Variants in LRMDA observed in about 807,000 individuals in gnomAD.
LRMDA encodes leucine rich melanocyte differentiation associated, also known as leucine-rich melanocyte differentiation-associated protein.
Under a neutral mutation model 29.8 loss-of-function variants are expected in LRMDA, and 18 were observed. That is an observed-to-expected ratio of 0.60 (90% CI 0.42 to 0.90). The LOEUF (loss-of-function observed/expected upper bound fraction) is 0.90. Ranked by LOEUF, LRMDA falls within the 40% of genes least tolerant of loss-of-function variation. LRMDA has a pLI of 0.00. For synonymous variants in LRMDA, 125 were observed against 109.4 expected, an observed-to-expected ratio of 1.14 and a Z score of -0.89; for missense variants, 273 against 273.9, an observed-to-expected ratio of 1.00 and a Z score of 0.02.
chr10:76,505,675 T>A (rs556441700), intron 6 of LRMDA, among the ~76,000 whole-genome samples: 1 of 152,250 alleles, frequency 6.6e-6, no homozygotes, highest in South Asian at 2.1e-4. Flanking sequence ...TTTACTGGAT[T>A]CCGTGAATTT....
intron 2 of LRMDA, among the ~76,000 whole-genome samples, chr10:75,657,538 C>T (rs188562746): frequency 6.6e-6 from 1 of 152,318 alleles, no homozygotes; most frequent in African/African-American, 2.4e-5. Context: ...CCTGATCCCT[C>T]ACTTTCTAGT....
intron 2 of LRMDA, among the ~76,000 whole-genome samples, chr10:75,623,710 G>T (rs1428873114): frequency 6.6e-6 from 1 of 152,248 alleles, no homozygotes; most frequent in African/African-American, 2.4e-5. Context: ...AATTATAGCA[G>T]ACTGTTTGTT....
At chr10:76,467,972 T>C (rs1842580619) in intron 6 of LRMDA, among the ~76,000 whole-genome samples, 1 of 152,224 alleles carries the variant, frequency 6.6e-6, no homozygotes, top group Non-Finnish European at 1.5e-5. Context: ...TCAGAGCGTT[T>C]ACATAATCTT....
At chr10:75,822,442 T>C (rs955438511) in intron 2 of LRMDA, among the ~76,000 whole-genome samples, 3 of 152,154 alleles carry the variant, frequency 2.0e-5, no homozygotes, top group South Asian at 2.1e-4. Flanking sequence ...AATGTCACTA[T>C]TCGCAGAATT....
intron 2 of LRMDA, among the ~76,000 whole-genome samples, chr10:75,785,125 G>T (rs1204735704): frequency 6.6e-6 from 1 of 152,156 alleles, no homozygotes; most frequent in African/African-American, 2.4e-5. Flanking sequence ...TTGGAGATTT[G>T]CCTTCTCTTC....
At position 75,441,478 on chromosome 10, in the gene LRMDA, T is replaced by G. The variant is rs1844326204; in HGVS notation, c.131+2984T>G. Among the ~76,000 whole-genome samples, 8 of 152,340 alleles carry G rather than the reference T, an allele frequency of 5.3e-5. No individual in the cohort carries two copies. In the South Asian group the frequency reaches 1.7e-3, roughly 32 times the overall value. ...CAGCTGAAGGTGTAGTGAAGAGGGCTGGGTGGTAATTGTGGCACACAGCAG... is the reference window on the plus strand; with the variant it reads ...CAGCTGAAGGTGTAGTGAAGAGGGCGGGGTGGTAATTGTGGCACACAGCAG... On this transcript the variant is annotated intron_variant, in intron 2 of 6. Transcript: ENST00000611255.
intron 2 of LRMDA, among the ~76,000 whole-genome samples, chr10:76,029,118 C>T (rs1035211620): frequency 1.3e-5 from 2 of 152,078 alleles, no homozygotes; most frequent in Non-Finnish European, 2.9e-5. Flanking sequence ...CCTGGCCAAC[C>T]ATTTTGAACT....
intron 2 of LRMDA, among the ~76,000 whole-genome samples, chr10:75,816,193 C>T (rs1208298440): frequency 6.6e-6 from 1 of 152,062 alleles, no homozygotes. Flanking sequence ...TTCTATCTGC[C>T]TATATAATTC....
intron 3 of LRMDA, among the ~76,000 whole-genome samples, chr10:76,041,255 C>T (rs763764542): frequency 1.7e-4 from 26 of 152,338 alleles, no homozygotes; most frequent in Non-Finnish European, 3.2e-4. Flanking sequence ...CCGGTGATGG[C>T]ACCTGTGCTG....
chr10:75,665,665 C>T lies in LRMDA; in HGVS notation c.131+227171C>T, dbSNP rs532344562. 2.4e-4 allele frequency among the ~76,000 whole-genome samples: 37 copies of T among 152,316 alleles called. No homozygotes were observed. The East Asian group carries it at 6.4e-3, about 26-fold the overall frequency. On this transcript the variant is annotated intron_variant, in intron 2 of 6. Coordinates refer to ENST00000611255, the MANE Select transcript of LRMDA (RefSeq NM_001305581.2). ...GTGATGTGAAATTATAATCTTCATT[C>T]ATCCCACTTAGTAATGTCAGGAAAA...
chr10:75,677,871 T>G (rs1264124695), intron 2 of LRMDA, among the ~76,000 whole-genome samples: 1 of 152,202 alleles, frequency 6.6e-6, no homozygotes, highest in African/African-American at 2.4e-5. Context: ...TTATATGCGA[T>G]TAAGGTGGTC....
At chr10:75,516,324 G>A (rs978980546) in intron 2 of LRMDA, among the ~76,000 whole-genome samples, 1 of 152,220 alleles carries the variant, frequency 6.6e-6, no homozygotes, top group Admixed American at 6.5e-5. Flanking sequence ...CCCACCAACA[G>A]TGTGAAAGCG....
intron 6 of LRMDA, among the ~76,000 whole-genome samples, chr10:76,341,179 A>T (rs1269299004): frequency 6.6e-6 from 1 of 152,184 alleles, no homozygotes; most frequent in Non-Finnish European, 1.5e-5. Flanking sequence ...ATTCAAGCAG[A>T]ACAGTAAATG....
At chr10:75,762,443 AG>A (rs1843109268) in intron 2 of LRMDA, among the ~76,000 whole-genome samples, 1 of 152,198 alleles carries the variant, frequency 6.6e-6, no homozygotes, top group Non-Finnish European at 1.5e-5. Context: ...AATGTGGCCT[AG>A]GGAAGCCAAA....
chr10:76,488,477 A>ATGT (rs3066517), intron 6 of LRMDA, among the ~76,000 whole-genome samples: 110,873 of 151,282 alleles, frequency 0.73, 41,324 homozygotes, highest in Non-Finnish European at 0.81. Context: ...AGATTCAACC[A>ATGT]TGTGTGTATC....
At chr10:76,193,028 C>T (rs574444906) in intron 5 of LRMDA, among the ~76,000 whole-genome samples, 2 of 152,280 alleles carry the variant, frequency 1.3e-5, no homozygotes, top group Admixed American at 1.3e-4. Flanking sequence ...ACATTTATGG[C>T]TTCTATAAAT....
At chr10:75,718,130 A>G (rs1204300593) in intron 2 of LRMDA, among the ~76,000 whole-genome samples, 1 of 152,192 alleles carries the variant, frequency 6.6e-6, no homozygotes, top group Non-Finnish European at 1.5e-5. Context: ...ACCATTTACT[A>G]TCTATCAATT....
chr10:75,467,527 C>G (rs542259042), intron 2 of LRMDA, among the ~76,000 whole-genome samples: 30 of 152,260 alleles, frequency 2.0e-4, no homozygotes, highest in African/African-American at 7.0e-4. Flanking sequence ...CGTTTTACCT[C>G]TCTTCAAGAT....
intron 6 of LRMDA, among the ~76,000 whole-genome samples, chr10:76,464,184 G>T (rs970470209): frequency 6.6e-6 from 1 of 152,060 alleles, no homozygotes; most frequent in Non-Finnish European, 1.5e-5. Context: ...CTCCCAAAGT[G>T]CTGGGATTAC....
Sources: gnomAD v4.1 joint callset for allele counts (sites outside exome capture counted in the v4.1 genomes callset) on GRCh38, gnomAD v4.1.1 for gene constraint, MANE v1.5 for transcripts, NCBI Gene and HGNC (gene_info 2026-07-23, HGNC 2026-07-21) for gene names.